The following RSRP1 variants were observed in gnomAD, a reference collection of about 807,000 sequenced individuals.
RSRP1 encodes arginine and serine rich protein 1, also known as arginine/serine-rich protein 1.
A neutral mutation model predicts 33.0 loss-of-function variants in RSRP1; 37 were observed. That is an observed-to-expected ratio of 1.12 (90% CI 0.86 to 1.48). The LOEUF is 1.48. Among genes scored for constraint, RSRP1 ranks in the 40% most tolerant of loss-of-function variants. The pLI is 0.00. For missense variants in RSRP1, 402 were observed against 385.3 expected (o/e 1.04, Z -0.36); for synonymous variants, 167 against 158.7 (o/e 1.05, Z -0.40).
chr1:25,324,926 T>TCTTGG (rs1644890409), intron 1 of RSRP1, among the ~76,000 whole-genome samples: 1 of 109,982 alleles, frequency 9.1e-6, no homozygotes, highest in Non-Finnish European at 1.8e-5. Context: ...TGGATGCCTG[T>TCTTGG]AATCCCAGCT....
chr1:25,268,799 C>A, intron 1 of RSRP1, among the ~76,000 whole-genome samples: 1 of 128,854 alleles, frequency 7.8e-6, no homozygotes, highest in East Asian at 2.0e-4. Flanking sequence ...AAAACAAAAA[C>A]TAGCCGGGTG....
intron 1 of RSRP1, among the ~76,000 whole-genome samples, chr1:25,256,333 AGT>A (rs1016467814): frequency 6.6e-6 from 1 of 151,836 alleles, no homozygotes; most frequent in African/African-American, 2.4e-5. Flanking sequence ...TTTTAAAAAG[AGT>A]GTTTGGTAAA....
At position 25,280,449 on chromosome 1, in the gene RSRP1, G is replaced by T. The variant is rs1265016711; in HGVS notation, c.-66-33420C>A. On this transcript the variant is annotated intron_variant, in intron 1 of 1. Coordinates refer to the RSRP1 transcript ENST00000561867. ...GCCTCCTGAGTAGCTGGGATTACAG[G>T]CATGCGCCACCATGCCAGGCTAATT... Among the ~76,000 whole-genome samples the T allele has an allele frequency of 1.6e-5, 2 of 128,528 alleles. 1 individual carries two copies. Among genetic ancestry groups the T allele is most frequent in the Non-Finnish European group, 3.7e-5 (2 of 54,468 alleles). 84.3% of individuals were successfully genotyped at this position (128,528 alleles called of 152,430 possible). A position where few individuals can be genotyped will look rare whatever the true frequency, so the allele number is the denominator to read the frequency against.
chr1:25,320,193 C>T (rs568985787), intron 1 of RSRP1, among the ~76,000 whole-genome samples: 1 of 132,034 alleles, frequency 7.6e-6, no homozygotes, highest in African/African-American at 2.6e-5. Flanking sequence ...CCACTGCGAC[C>T]GGCCGACAAA....
At chr1:25,256,748 A>G (rs1219608842) in intron 1 of RSRP1, among the ~76,000 whole-genome samples, 1 of 152,002 alleles carries the variant, frequency 6.6e-6, no homozygotes, top group Non-Finnish European at 1.5e-5. Flanking sequence ...TACAGGCGTG[A>G]GTCACCGTGC....
intron 1 of RSRP1, among the ~76,000 whole-genome samples, chr1:25,320,734 T>G (rs977234198): frequency 1.5e-5 from 2 of 132,250 alleles, no homozygotes; most frequent in African/African-American, 5.2e-5. Flanking sequence ...CCAAGCTATC[T>G]GGGCAGAGAG....
chr1:25,313,609 T>C (rs114201155), intron 1 of RSRP1, among the ~76,000 whole-genome samples: 1,676 of 132,010 alleles, frequency 0.013, 443 homozygotes, highest in Non-Finnish European at 0.023. Flanking sequence ...AGTTCCCCTG[T>C]AAACAAGAGG....
rs760262848 is a variant in RSRP1, at chr1:25,306,608, C to T, written c.-67+31370G>A. On this transcript the variant is annotated intron_variant, in intron 1 of 1. Transcript: ENST00000561867. Reference sequence around the variant, plus strand: ...CACTTGTCCACAGGGGTGTTGTAACCGAGTGCTGGGGATTCCCCACAGCTC... The same window carrying T: ...CACTTGTCCACAGGGGTGTTGTAACTGAGTGCTGGGGATTCCCCACAGCTC... The T allele has an allele frequency of 3.6e-6, 5 of 1,378,000 alleles. 1 individual carries two copies. The highest frequency in any genetic ancestry group is 3.1e-6 in the Non-Finnish European group (3 of 978,596). 85.4% of individuals were successfully genotyped at this position (1,378,000 alleles called of 1,614,324 possible).
At chr1:25,249,110 C>T (rs28639481), upstream of RSRP1, among the ~76,000 whole-genome samples, 7,574 of 152,172 alleles carry the variant, frequency 0.05, 640 homozygotes, top group African/African-American at 0.17. Flanking sequence ...GATTGCAACA[C>T]TGCAACCCAA....
In RSRP1 at chr1:25,285,698, T is replaced by C. The variant is rs1183541160; in HGVS notation, c.-66-38669A>G. On this transcript the variant is annotated intron_variant, in intron 1 of 1. Coordinates refer to the RSRP1 transcript ENST00000561867. ...TCTCTATGTTCACCTGGGTGATGAT[T>C]ACACATCAAGCTATACACGTTTTAA... Among the ~76,000 whole-genome samples, 7 of 135,336 alleles carry C rather than the reference T, an allele frequency of 5.2e-5. 1 individual carries two copies. Among genetic ancestry groups the C allele is most frequent in the African/African-American group, 1.5e-4 (6 of 39,182 alleles). The allele number at this position is 135,336 out of a possible 152,430, so 88.8% of individuals were successfully genotyped here.
chr1:25,264,101 A>G (rs1188077423), intron 1 of RSRP1, among the ~76,000 whole-genome samples: 1 of 151,912 alleles, frequency 6.6e-6, no homozygotes, highest in Non-Finnish European at 1.5e-5. Flanking sequence ...AGCTGCTTTC[A>G]TGGGCTGGCA....
At chr1:25,320,189 C>G (rs1372848098) in intron 1 of RSRP1, among the ~76,000 whole-genome samples, 1 of 131,868 alleles carries the variant, frequency 7.6e-6, no homozygotes, top group African/African-American at 2.6e-5. Context: ...TAAGCCACTG[C>G]GACCGGCCGA....
At chr1:25,251,824 A>T (rs968898197), upstream of RSRP1, among the ~76,000 whole-genome samples, 2 of 152,090 alleles carry the variant, frequency 1.3e-5, no homozygotes, top group African/African-American at 4.8e-5. Context: ...GAGATAACCA[A>T]TGTTAACAGT....
chr1:25,271,689 C>T (rs1163773342), intron 1 of RSRP1, among the ~76,000 whole-genome samples: 2 of 132,172 alleles, frequency 1.5e-5, no homozygotes, highest in African/African-American at 5.2e-5. Flanking sequence ...AGTCCCAAGC[C>T]CCCTAAAGCT....
rs1376213091 is a variant in RSRP1 at position 25,295,849 on chromosome 1, AATTTTTTTTTTT to A, written c.-67+42117_-67+42128del. ...CAATGGTCTGGGAGGGAATATGGGA[AATTTTTTTTTTT>A]TTTTTTTTTTTTTTTTTTGAGATGG... On this transcript the variant is annotated intron_variant, in intron 1 of 1. Transcript: ENST00000561867. Among the ~76,000 whole-genome samples the A allele has an allele frequency of 1.5e-4, 5 of 33,728 alleles. 1 individual carries two copies. Among genetic ancestry groups the A allele is most frequent in the Non-Finnish European group, 3.2e-4 (3 of 9,512 alleles). 22.1% of individuals were successfully genotyped at this position (33,728 alleles called of 152,430 possible).
chr1:25,298,785 T>G (rs1304483560), intron 1 of RSRP1, among the ~76,000 whole-genome samples: 1 of 130,594 alleles, frequency 7.7e-6, no homozygotes, highest in African/African-American at 2.6e-5. Flanking sequence ...AGACTGCCAA[T>G]AAACAATAAA....
rs764475868 is a variant in RSRP1 at position 25,246,465 on chromosome 1, G to A, written c.499C>T (p.Pro167Ser). 1.2e-6 allele frequency: 2 copies of A among 1,613,608 alleles called. No individual in the cohort carries two copies. Among genetic ancestry groups the A allele is most frequent in the African/African-American group, 1.3e-5 (1 of 75,054 alleles). Residue 167 changes from proline (P) to serine (S), a missense_variant, in exon 2 of 5, where the codon CCC becomes TCC. Transcript: ENST00000243189. ...RSRTRSRSRT[P>S]FRLSEKDRME... ...CCACCTTTTTCACTTAAGCGAAAGGGGGTTCTGCTCCGCGACCTCGTCCTG... is the reference window on the plus strand; with the variant it reads ...CCACCTTTTTCACTTAAGCGAAAGGAGGTTCTGCTCCGCGACCTCGTCCTG...
At chr1:25,260,607 T>G (rs374144295) in intron 1 of RSRP1, among the ~76,000 whole-genome samples, 33 of 152,324 alleles carry the variant, frequency 2.2e-4, no homozygotes, top group African/African-American at 7.7e-4. Flanking sequence ...TAACAGCAGC[T>G]TAAACTGTTG....
intron 4 of RSRP1, 71 bp downstream of exon 4, chr1:25,243,479 A>G (rs1167362380): frequency 5.1e-6 from 8 of 1,570,786 alleles, no homozygotes; most frequent in Non-Finnish European, 6.9e-6. Flanking sequence ...CACCACAAAG[A>G]TAAAAACACA....
Sources: gnomAD v4.1 joint callset for allele counts (sites outside exome capture counted in the v4.1 genomes callset) on GRCh38, gnomAD v4.1.1 for gene constraint, MANE v1.5 for transcripts, NCBI Gene and HGNC (gene_info 2026-07-23, HGNC 2026-07-21) for gene names.